The following FCHO2 variants were observed in gnomAD, a reference collection of about 807,000 sequenced individuals.
The protein encoded by FCHO2 is FCH and mu domain containing endocytic adaptor 2.
FCHO2 carries 43 observed loss-of-function variants against 114.1 expected under a neutral mutation model. That is an observed-to-expected ratio of 0.38 (90% CI 0.30 to 0.49). The LOEUF (loss-of-function observed/expected upper bound fraction) is 0.49. Among genes scored for constraint, FCHO2 ranks in the 20% least tolerant of loss-of-function variants. FCHO2 has a pLI of 0.97. For synonymous variants in FCHO2, 293 were observed against 315.2 expected (o/e 0.93, Z 0.75); for missense variants, 807 against 950.4 (o/e 0.85, Z 1.98).
rs538778862 is a variant in FCHO2, at chr5:73,030,267, C to G, written c.797-4390C>G. Among the ~76,000 whole-genome samples, 15 of 152,232 alleles carry G rather than the reference C, an allele frequency of 9.9e-5. 1 individual carries two copies. The East Asian group carries it at 2.1e-3, about 22-fold the overall frequency. ...ATGTTGGCCAGGCTGGCGTTGGACTCCTGACCTCAGGTGATCTGCCTGCCT... is the reference window on the plus strand; with the variant it reads ...ATGTTGGCCAGGCTGGCGTTGGACTGCTGACCTCAGGTGATCTGCCTGCCT... On this transcript the variant is annotated intron_variant, in intron 8 of 25. Transcript: ENST00000430046.
At chr5:72,963,699 C>T (rs950496372) in intron 1 of FCHO2, among the ~76,000 whole-genome samples, 1 of 151,952 alleles carries the variant, frequency 6.6e-6, no homozygotes, top group East Asian at 1.9e-4. Flanking sequence ...CAGGCGCATG[C>T]CACCACACCC....
chr5:72,968,635 A>T, intron 2 of FCHO2, 46 bp downstream of exon 2: 1 of 1,316,376 alleles, frequency 7.6e-7, no homozygotes, highest in Non-Finnish European at 1.0e-6. Context: ...CTTAATAGCA[A>T]TTTAAATTTT....
intron 1 of FCHO2, among the ~76,000 whole-genome samples, chr5:72,964,992 T>C (rs1752112690): frequency 6.6e-6 from 1 of 151,950 alleles, no homozygotes; most frequent in South Asian, 2.1e-4. Context: ...GCAGCCATCT[T>C]GGTTATCAGA....
At chr5:72,979,637 C>T (rs1286379955) in intron 2 of FCHO2, among the ~76,000 whole-genome samples, 30 of 151,680 alleles carry the variant, frequency 2.0e-4, no homozygotes, top group African/African-American at 5.8e-4. Flanking sequence ...GTGATCCGCC[C>T]GCCTCGGCCT....
chr5:73,029,031 G>A (rs1756091842), intron 8 of FCHO2, among the ~76,000 whole-genome samples: 3 of 152,164 alleles, frequency 2.0e-5, no homozygotes, highest in Admixed American at 1.3e-4. Flanking sequence ...ATTGCCTTGG[G>A]AAGGGTGGAA....
intron 6 of FCHO2, among the ~76,000 whole-genome samples, chr5:73,015,154 A>G (rs1167623833): frequency 1.3e-5 from 2 of 151,958 alleles, no homozygotes; most frequent in Non-Finnish European, 2.9e-5. Flanking sequence ...CAAAAAGTTA[A>G]CTTTTTGCAG....
intron 18 of FCHO2, among the ~76,000 whole-genome samples, chr5:73,066,843 C>G (rs1742363585): frequency 6.6e-6 from 1 of 151,960 alleles, no homozygotes; most frequent in South Asian, 2.1e-4. Context: ...GTATTATTAA[C>G]AAGCCCTCCA....
chr5:73,066,177 CT>C (rs1352287383), intron 18 of FCHO2, among the ~76,000 whole-genome samples: 2 of 151,908 alleles, frequency 1.3e-5, no homozygotes, highest in Non-Finnish European at 2.9e-5. Context: ...TAGTTGAATC[CT>C]TCACATCATC....
intron 23 of FCHO2, among the ~76,000 whole-genome samples, chr5:73,082,487 A>C (rs1743152270): frequency 6.6e-6 from 1 of 152,176 alleles, no homozygotes. Context: ...TGACTAATGA[A>C]GGTACTGATC....
chr5:72,985,111 G>T (rs1016613594), intron 2 of FCHO2, among the ~76,000 whole-genome samples: 3 of 151,570 alleles, frequency 2.0e-5, no homozygotes, highest in African/African-American at 7.3e-5. Context: ...CTTTATCCCT[G>T]AATTTCTTAA....
intron 6 of FCHO2, among the ~76,000 whole-genome samples, chr5:73,007,961 A>T (rs258886): frequency 0.23 from 34,612 of 152,006 alleles, 5,088 homozygotes; most frequent in African/African-American, 0.41. Context: ...AGAGCGTTAC[A>T]GGCTTTGGGG....
chr5:73,076,787 G>A lies in FCHO2; in HGVS notation c.1692-551G>A, dbSNP rs184880889. Among the ~76,000 whole-genome samples the A allele has an allele frequency of 1.1e-3, 169 of 152,270 alleles. 2 individuals are homozygous for A. The highest frequency in any genetic ancestry group is 4.0e-3 in the African/African-American group (165 of 41,554). On this transcript the variant is annotated intron_variant, in intron 20 of 25. Coordinates refer to ENST00000430046, the MANE Select transcript of FCHO2 (RefSeq NM_138782.3). The stretch of plus-strand genomic sequence containing the variant: ...GACTATTGCAGGTTAGAGATAAAAG[G>A]GGAAGCTAGGAAAAGACCAAAAGAA...
At chr5:73,005,675 A>G (rs1365063272) in intron 5 of FCHO2, among the ~76,000 whole-genome samples, 1 of 152,188 alleles carries the variant, frequency 6.6e-6, no homozygotes, top group Non-Finnish European at 1.5e-5. Flanking sequence ...CAAACTACAC[A>G]TAATCTTTTC....
chr5:73,079,282 T>C (rs1354448788), intron 22 of FCHO2, among the ~76,000 whole-genome samples: 1 of 152,068 alleles, frequency 6.6e-6, no homozygotes, highest in African/African-American at 2.4e-5. Context: ...TTTTAAACAG[T>C]AAAGTGGAGT....
At chr5:72,962,770 G>A (rs929511937) in intron 1 of FCHO2, among the ~76,000 whole-genome samples, 1 of 152,054 alleles carries the variant, frequency 6.6e-6, no homozygotes, top group African/African-American at 2.4e-5. Context: ...GTGCGAACCT[G>A]TAGTCCCAGC....
chr5:73,040,984 G>T (rs1357019070), intron 10 of FCHO2, among the ~76,000 whole-genome samples: 3 of 152,108 alleles, frequency 2.0e-5, no homozygotes, highest in Middle Eastern at 3.4e-3. Context: ...TCATGGAAAA[G>T]AATTATTTTT....
intron 16 of FCHO2, 90 bp from the exon 17 acceptor site, chr5:73,058,343 G>T (rs1420007423): frequency 4.4e-6 from 4 of 913,728 alleles, no homozygotes; most frequent in Non-Finnish European, 6.4e-6. Flanking sequence ...TGAGCTGTTA[G>T]AATTCTATGA....
At chr5:73,028,643 A>ATT (rs1285680394) in intron 8 of FCHO2, among the ~76,000 whole-genome samples, 1 of 137,680 alleles carries the variant, frequency 7.3e-6, no homozygotes, top group East Asian at 2.3e-4. Flanking sequence ...ATATTATATG[A>ATT]TTCTTTTTTT....
chr5:73,020,675 G>A (rs1385255600), intron 8 of FCHO2: 1 of 1,127,910 alleles, frequency 8.9e-7, no homozygotes, highest in Non-Finnish European at 1.4e-6. Flanking sequence ...TAGACCGCAA[G>A]GAACAGTTTG....
Sources: allele counts gnomAD v4.1 joint callset (sites outside exome capture counted in the v4.1 genomes callset), GRCh38; gene constraint gnomAD v4.1.1; transcripts MANE v1.5; gene names NCBI Gene and HGNC (gene_info 2026-07-23, HGNC 2026-07-21).